The following BNC2 variants were observed in gnomAD, a reference collection of about 807,000 sequenced individuals.
The protein encoded by BNC2 is basonuclin zinc finger protein 2.
BNC2 carries 20 observed loss-of-function variants against 76.3 expected under a neutral mutation model. The ratio of observed to expected loss-of-function variants is 0.26; its 90% confidence interval spans 0.18 to 0.38. BNC2 has a LOEUF of 0.38. Among genes scored for constraint, BNC2 ranks in the 10% least tolerant of loss-of-function variants. The pLI, the probability that BNC2 is intolerant of heterozygous loss-of-function variation, is 1.00. For synonymous variants in BNC2, 582 were observed against 514.8 expected, an observed-to-expected ratio of 1.13 and a Z score of -1.77; for missense variants, 1,382 against 1,399.8, an observed-to-expected ratio of 0.99 and a Z score of 0.20.
At chr9:16,661,245 C>G (rs1822103232) in intron 3 of BNC2, among the ~76,000 whole-genome samples, 1 of 151,938 alleles carries the variant, frequency 6.6e-6, no homozygotes, top group South Asian at 2.1e-4. Flanking sequence ...CATCTTCTAA[C>G]AAAAAAACCC....
intron 6 of BNC2, among the ~76,000 whole-genome samples, chr9:16,420,775 T>A (rs1409663937): frequency 6.6e-6 from 1 of 152,150 alleles, no homozygotes; most frequent in African/African-American, 2.4e-5. Context: ...CAAAGCCTGA[T>A]ATGTTATCAT....
intron 5 of BNC2, among the ~76,000 whole-genome samples, chr9:16,545,843 C>T (rs779686634): frequency 2.6e-5 from 4 of 152,098 alleles, no homozygotes; most frequent in Non-Finnish European, 5.9e-5. Context: ...GAGGAATCTA[C>T]GATCCGAGAA....
At chr9:16,769,728 T>C (rs1180705312) in intron 1 of BNC2, among the ~76,000 whole-genome samples, 1 of 152,224 alleles carries the variant, frequency 6.6e-6, no homozygotes, top group Non-Finnish European at 1.5e-5. Context: ...CAAATGATGA[T>C]GGATGTAAAG....
chr9:16,657,110 C>T (rs999804309), intron 3 of BNC2, among the ~76,000 whole-genome samples: 3 of 151,984 alleles, frequency 2.0e-5, no homozygotes, highest in Non-Finnish European at 2.9e-5. Flanking sequence ...ATATGGAGCC[C>T]TACAGAGAAG....
At chr9:16,845,523 C>T (rs1043573275) in intron 1 of BNC2, among the ~76,000 whole-genome samples, 76 of 151,962 alleles carry the variant, frequency 5.0e-4, no homozygotes, top group Non-Finnish European at 8.1e-4. Context: ...AGATCGAGAC[C>T]ATCCTGGCTA....
In BNC2 at chr9:16,738,495, G is replaced by T; in HGVS notation, c.4-10C>A. On this transcript the variant is annotated splice_polypyrimidine_tract_variant and intron_variant, in intron 1 of 6. Coordinates refer to ENST00000380672, the MANE Select transcript of BNC2 (RefSeq NM_017637.6). ...TGGGCCCAAGGTGTGCCTATTGAGAGATTGGGAAAGGAAATTACATATGCC... is the reference window on the plus strand; with the variant it reads ...TGGGCCCAAGGTGTGCCTATTGAGATATTGGGAAAGGAAATTACATATGCC... 6.2e-7 allele frequency: 1 copy of T among 1,613,838 alleles called. No individual in the cohort carries two copies. Among genetic ancestry groups the T allele is most frequent in the South Asian group, 1.1e-5 (1 of 91,008 alleles).
chr9:16,701,321 G>A (rs187147387), intron 3 of BNC2, among the ~76,000 whole-genome samples: 7 of 152,288 alleles, frequency 4.6e-5, no homozygotes, highest in Non-Finnish European at 7.4e-5. Context: ...AATGCAGCAA[G>A]GGGGAAAGCA....
Position 16,437,083 on chromosome 9 carries a change from C to G in BNC2, c.1111G>C (p.Val371Leu), listed in dbSNP as rs1821032772. ...TCATTCTTATAAGGTGTGGGAGAAA[C>G]TTCGGATTCGCTGCTCTCATTATAT... Reference protein sequence around the residue: ...NEYNESSESEVSPTPYKNDQT... With the variant: ...NEYNESSESELSPTPYKNDQT... Residue 371 changes from valine (V) to leucine (L), a missense_variant, in exon 6 of 7, where the codon GTT (valine) becomes CTT (leucine). By Grantham distance (32) the Val-to-Leu change is conservative. This residue lies in a region of BNC2 where 557 missense variants were observed against 540.9 expected (regional missense o/e 1.03). Transcript: ENST00000380672. 5.6e-6 allele frequency: 9 copies of G among 1,613,960 alleles called. No individual in the cohort carries two copies. Among genetic ancestry groups the G allele is most frequent in the Non-Finnish European group, 7.6e-6 (9 of 1,180,022 alleles).
intron 1 of BNC2, among the ~76,000 whole-genome samples, chr9:16,779,887 A>C (rs1222958903): frequency 1.3e-5 from 2 of 152,104 alleles, no homozygotes; most frequent in Non-Finnish European, 2.9e-5. Flanking sequence ...TTCTTTTCTG[A>C]GGTAATAAAA....
chr9:16,512,655 T>G (rs926876002), intron 5 of BNC2, among the ~76,000 whole-genome samples: 1 of 152,212 alleles, frequency 6.6e-6, no homozygotes, highest in Non-Finnish European at 1.5e-5. Context: ...ACATCTTTTA[T>G]GTACACTATA....
chr9:16,544,377 G>A lies in BNC2; in HGVS notation c.669+8153C>T, dbSNP rs528380530. 1.4e-4 allele frequency among the ~76,000 whole-genome samples: 21 copies of A among 152,052 alleles called. No individual in the cohort carries two copies. In the East Asian group the frequency reaches 3.5e-3, roughly 25 times the overall value. On this transcript the variant is annotated intron_variant, in intron 5 of 6. Coordinates refer to ENST00000380672, the MANE Select transcript of BNC2 (RefSeq NM_017637.6). ...CTGTTTTAAATGTTTTATTTTATGC[G>A]ATAAGGTGCAATCCTAGATACTCTA...
At chr9:16,665,479 AAAG>A (rs1196442548) in intron 3 of BNC2, among the ~76,000 whole-genome samples, 1 of 143,436 alleles carries the variant, frequency 7.0e-6, no homozygotes, top group East Asian at 2.0e-4. Flanking sequence ...AGAAAGAAAG[AAAG>A]AAAGAAAGAG....
At chr9:16,442,343 T>C (rs1821145013) in intron 5 of BNC2, among the ~76,000 whole-genome samples, 1 of 152,222 alleles carries the variant, frequency 6.6e-6, no homozygotes, top group Admixed American at 6.5e-5. Context: ...GACTTCCTTT[T>C]GTTACTTCAT....
At chr9:16,659,583 G>A (rs552266828) in intron 3 of BNC2, among the ~76,000 whole-genome samples, 19 of 149,882 alleles carry the variant, frequency 1.3e-4, no homozygotes, top group East Asian at 5.9e-4. Flanking sequence ...ACTCCAGCCC[G>A]GTGACAGAGC....
intron 1 of BNC2, among the ~76,000 whole-genome samples, chr9:16,856,587 T>C (rs373384302): frequency 6.6e-6 from 1 of 152,170 alleles, no homozygotes; most frequent in South Asian, 2.1e-4. Flanking sequence ...CGTGTAAATA[T>C]ATTTCTTACA....
chr9:16,510,676 G>A (rs567632740), intron 5 of BNC2, among the ~76,000 whole-genome samples: 2 of 152,190 alleles, frequency 1.3e-5, no homozygotes, highest in South Asian at 2.1e-4. Context: ...TCAAACTATG[G>A]CACATGACAG....
intron 1 of BNC2, among the ~76,000 whole-genome samples, 200 bp downstream of exon 1, chr9:16,870,446 G>A (rs1036144806): frequency 1.2e-4 from 19 of 152,072 alleles, no homozygotes; most frequent in African/African-American, 4.6e-4. Context: ...CAAGTTTAGG[G>A]GAGGCCACTG....
intron 5 of BNC2, among the ~76,000 whole-genome samples, chr9:16,478,358 A>T (rs1391660370): frequency 6.6e-6 from 1 of 152,194 alleles, no homozygotes; most frequent in African/African-American, 2.4e-5. Context: ...CTCCTCATAC[A>T]CAGTGGTACC....
At chr9:16,459,459 A>C (rs2131204180) in intron 5 of BNC2, among the ~76,000 whole-genome samples, 1 of 152,276 alleles carries the variant, frequency 6.6e-6, no homozygotes, top group East Asian at 1.9e-4. Context: ...TGGGATTCGA[A>C]GGCTCTGGGC....
Sources: gnomAD v4.1 joint callset for allele counts (sites outside exome capture counted in the v4.1 genomes callset) on GRCh38, gnomAD v4.1.1 for gene constraint, gnomAD v4.1.1 regional missense constraint, MANE v1.5 for transcripts, NCBI Gene and HGNC (gene_info 2026-07-23, HGNC 2026-07-21) for gene names.